GAB1: variants seen among roughly 807,000 people sequenced by gnomAD.
GAB1 encodes GRB2-associated-binding protein 1.
Under a neutral mutation model 66.5 loss-of-function variants are expected in GAB1, and 19 were observed. The ratio of observed to expected loss-of-function variants is 0.29; its 90% CI spans 0.20 to 0.42. The LOEUF (loss-of-function observed/expected upper bound fraction) is 0.42. Ranked by LOEUF, GAB1 falls within the 10% of genes least tolerant of loss-of-function variation. The pLI, the probability that GAB1 is intolerant of heterozygous loss-of-function variation, is 1.00. For synonymous variants in GAB1, 294 were observed against 301.4 expected (o/e 0.98, Z 0.25); for missense variants, 732 against 858.5 (o/e 0.85, Z 1.84).
At chr4:143,414,944 G>A (rs759909028) in intron 1 of GAB1, among the ~76,000 whole-genome samples, 16 of 151,884 alleles carry the variant, frequency 1.1e-4, no homozygotes, top group Admixed American at 3.3e-4. Flanking sequence ...CAAACTCTAG[G>A]CCCATTAAAT....
Position 143,438,260 on chromosome 4 carries a change from T to C in GAB1, c.855T>C (p.Tyr285=), listed in dbSNP as rs1734037045. 2 of 1,614,120 alleles carry C rather than the reference T, an allele frequency of 1.2e-6. No homozygotes were observed. The highest frequency in any genetic ancestry group is 1.1e-5 in the South Asian group (1 of 91,086). ...PSSTEADGEL[Y]VFNTPSGTSS... ...GTACTGAAGCAGATGGAGAACTCTA[T>C]GTTTTTAATACCCCATCTGGGACAT... Residue 285 remains tyrosine (Y), a synonymous_variant, in exon 4 of 10, where the codon TAT becomes TAC. Coordinates refer to ENST00000262994, the MANE Select transcript of GAB1 (RefSeq NM_002039.4).
At chr4:143,399,591 C>T (rs867695574) in intron 1 of GAB1, among the ~76,000 whole-genome samples, 3 of 152,220 alleles carry the variant, frequency 2.0e-5, no homozygotes, top group Middle Eastern at 3.4e-3. Context: ...GAAAAGAAAC[C>T]CATATCAATA....
Position 143,459,541 on chromosome 4 carries a change from T to C in GAB1, c.1679+63T>C, listed in dbSNP as rs890992850. 4.6e-5 allele frequency: 44 copies of C among 955,278 alleles called. No homozygotes were observed. The African/African-American group carries it at 6.1e-4, about 13-fold the overall frequency. 59.2% of individuals were successfully genotyped at this position (955,278 alleles called of 1,614,324 possible). ...AATGTGACTATCTAGAATTGTTCATTATCATGGAAAATATCTGGAATAGTG... is the reference window on the plus strand; with the variant it reads ...AATGTGACTATCTAGAATTGTTCATCATCATGGAAAATATCTGGAATAGTG... On this transcript the variant is annotated intron_variant, in intron 7 of 9. Transcript: ENST00000262994.
Position 143,423,775 on chromosome 4 carries a change from CA to C in GAB1, c.367+8018del, listed in dbSNP as rs1191220393. 7.8e-3 allele frequency among the ~76,000 whole-genome samples: 311 copies of C among 39,898 alleles called. 2 individuals are homozygous for C. Among genetic ancestry groups the C allele is most frequent in the African/African-American group, 0.02 (278 of 14,028 alleles). The allele number at this position is 39,898 out of a possible 152,430, so 26.2% of individuals were successfully genotyped here. On this transcript the variant is annotated intron_variant, in intron 2 of 9. Coordinates refer to ENST00000262994, the MANE Select transcript of GAB1 (RefSeq NM_002039.4). ...TGGGCAACAAAGCGAGACTCCATCT[CA>C]AAAAAAAAAAAAAGTGTATATATAT...
intron 1 of GAB1, among the ~76,000 whole-genome samples, chr4:143,407,887 A>T (rs959844634): frequency 2.0e-5 from 3 of 152,218 alleles, no homozygotes; most frequent in Non-Finnish European, 4.4e-5. Flanking sequence ...TATTTTTAAT[A>T]GGCAAAGTAA....
intron 6 of GAB1, among the ~76,000 whole-genome samples, chr4:143,445,286 T>C (rs1047593060): frequency 6.6e-6 from 1 of 152,128 alleles, no homozygotes; most frequent in Non-Finnish European, 1.5e-5. Flanking sequence ...AATAGCTGTT[T>C]TGACTAGTGT....
intron 1 of GAB1, among the ~76,000 whole-genome samples, chr4:143,359,540 G>A (rs1473329810): frequency 6.6e-6 from 1 of 152,084 alleles, no homozygotes; most frequent in Non-Finnish European, 1.5e-5. Flanking sequence ...AGGATTATTG[G>A]GTTTCCCAAA....
chr4:143,453,215 C>T (rs1247481070), intron 6 of GAB1, among the ~76,000 whole-genome samples: 2 of 152,140 alleles, frequency 1.3e-5, no homozygotes, highest in African/African-American at 4.8e-5. Context: ...CACATTTTAG[C>T]TTCTGCCCTA....
At chr4:143,366,968 T>C (rs1444872798) in intron 1 of GAB1, among the ~76,000 whole-genome samples, 1 of 152,152 alleles carries the variant, frequency 6.6e-6, no homozygotes, top group Admixed American at 6.6e-5. Flanking sequence ...GGTACTTTTT[T>C]CCCAAATTTT....
rs1362344123 is a variant in GAB1, at chr4:143,415,606, G to A, written c.202G>A (p.Val68Ile). 1 of 1,613,806 alleles carries A rather than the reference G, an allele frequency of 6.2e-7. No individual in the cohort carries two copies. ...TATTGATTTAAATTTATGTCAACAA[G>A]TAGATGCTGGATTGACATTTAACAA... ...RIIDLNLCQQ[V>I]DAGLTFNKKE... Residue 68 changes from valine to isoleucine, a missense_variant, in exon 2 of 10, where the codon GTA (valine) becomes ATA (isoleucine). Around this residue, in one of 4 missense-constraint regions of GAB1, gnomAD observed 66 missense variants for 130.3 expected, o/e 0.51. Coordinates refer to ENST00000262994, the MANE Select transcript of GAB1 (RefSeq NM_002039.4).
At chr4:143,403,119 A>G (rs549784137) in intron 1 of GAB1, among the ~76,000 whole-genome samples, 3 of 152,164 alleles carry the variant, frequency 2.0e-5, no homozygotes, top group Non-Finnish European at 4.4e-5. Flanking sequence ...ATTACTATAC[A>G]TAGTGTACTT....
chr4:143,373,855 C>CAATATATATATATATATATATA, intron 1 of GAB1, among the ~76,000 whole-genome samples: 1 of 62,994 alleles, frequency 1.6e-5, no homozygotes, highest in South Asian at 7.6e-4. Flanking sequence ...CTCTCTCTCT[C>CAATATATATATATATATATATA]TGTAAATAAA....
intron 1 of GAB1, chr4:143,391,656 C>A (rs1731194145): frequency 6.6e-6 from 1 of 152,044 alleles, no homozygotes; most frequent in Non-Finnish European, 1.5e-5. Context: ...CTTGGCTTTT[C>A]TTTTTAAAAG....
chr4:143,446,290 G>A (rs1402080601), intron 6 of GAB1, among the ~76,000 whole-genome samples: 3 of 152,100 alleles, frequency 2.0e-5, no homozygotes, highest in African/African-American at 4.8e-5. Context: ...ATGATTTATA[G>A]TCCTTTGGGT....
chr4:143,439,831 C>T lies in GAB1; in HGVS notation c.1225C>T (p.Pro409Ser). The change falls in exon 5 of 10, where the codon CCA becomes TCA. Residue 409 changes from proline (P) to serine (S), a missense_variant. Physicochemically the swap from Pro to Ser is moderately conservative, Grantham distance 74. This residue lies in a region of GAB1 where 427 missense variants were observed against 420.6 expected (regional missense o/e 1.02). Transcript: ENST00000262994. ...DASSQDCYDI[P>S]RAFPSDRSSS... ...TAGTTCTCAAGACTGCTATGATATT[C>T]CACGAGCATTTCCAAGTGATAGATC... 1 of 1,613,236 alleles carries T rather than the reference C, an allele frequency of 6.2e-7. No individual in the cohort carries two copies.
At chr4:143,365,354 A>G (rs1466315254) in intron 1 of GAB1, among the ~76,000 whole-genome samples, 1 of 152,130 alleles carries the variant, frequency 6.6e-6, no homozygotes, top group East Asian at 1.9e-4. Context: ...ATCCTTCAGT[A>G]TCTTTCTTCC....
At chr4:143,362,296 A>G (rs547591971) in intron 1 of GAB1, among the ~76,000 whole-genome samples, 45 of 152,270 alleles carry the variant, frequency 3.0e-4, no homozygotes, top group African/African-American at 8.9e-4. Context: ...CAGCATCCAT[A>G]TGTTACCAGA....
Position 143,470,714 on chromosome 4 carries a change from T to A in GAB1, c.*1525T>A, listed in dbSNP as rs889985680. 2.6e-5 allele frequency: 4 copies of A among 152,250 alleles called. No individual in the cohort carries two copies. The highest frequency in any genetic ancestry group is 2.6e-4 in the Admixed American group (4 of 15,274). 9.4% of individuals were successfully genotyped at this position (152,250 alleles called of 1,614,324 possible). ...GCATAGAGAAAGGAGTGCCCACAGT[T>A]GAGGCATGACCCCCTCCATTCAGAC... On this transcript the variant is annotated 3_prime_UTR_variant, in exon 10 of 10. Coordinates refer to ENST00000262994, the MANE Select transcript of GAB1 (RefSeq NM_002039.4).
At chr4:143,432,096 A>G (rs1393561567) in intron 2 of GAB1, among the ~76,000 whole-genome samples, 3 of 152,202 alleles carry the variant, frequency 2.0e-5, no homozygotes, top group Non-Finnish European at 4.4e-5. Flanking sequence ...GGTTTCTTCT[A>G]CCGGGAGAGA....
Sources: allele counts gnomAD v4.1 joint callset (sites outside exome capture counted in the v4.1 genomes callset), GRCh38; gene constraint gnomAD v4.1.1; regional missense constraint gnomAD v4.1.1; transcripts MANE v1.5; gene names NCBI Gene and HGNC (gene_info 2026-07-23, HGNC 2026-07-21).